Variants in CACNA1E observed in about 807,000 individuals in gnomAD.
CACNA1E encodes the protein calcium voltage-gated channel subunit alpha1 E.
Under a neutral mutation model 259.2 loss-of-function variants are expected in CACNA1E, and 40 were observed. The ratio of observed to expected loss-of-function variants is 0.15; its 90% CI spans 0.12 to 0.20. The LOEUF (loss-of-function observed/expected upper bound fraction) is 0.20. Ranked by LOEUF, CACNA1E falls within the 10% of genes least tolerant of loss-of-function variation. CACNA1E has a pLI of 1.00. For synonymous variants in CACNA1E, 1,104 were observed against 1,138.5 expected (o/e 0.97, Z 0.61); for missense variants, 1,874 against 3,040.1 (o/e 0.62, Z 9.02).
intron 2 of CACNA1E, among the ~76,000 whole-genome samples, chr1:181,418,437 G>C (rs1178728675): frequency 6.6e-6 from 1 of 152,128 alleles, no homozygotes; most frequent in Non-Finnish European, 1.5e-5. Context: ...CTTCTCACCA[G>C]TGCTTACTTC....
chr1:181,670,221 G>A (rs1034418103), intron 7 of CACNA1E, among the ~76,000 whole-genome samples: 2 of 152,164 alleles, frequency 1.3e-5, no homozygotes, highest in African/African-American at 4.8e-5. Context: ...TTGCAGACAC[G>A]TATACACTGA....
intron 16 of CACNA1E, among the ~76,000 whole-genome samples, chr1:181,723,274 C>G (rs1572703523): frequency 6.6e-6 from 1 of 152,062 alleles, no homozygotes. Flanking sequence ...GGATTCAATT[C>G]CAGCCTCCCA....
intron 1 of CACNA1E, among the ~76,000 whole-genome samples, chr1:181,377,461 G>C (rs1655181693): frequency 6.6e-6 from 1 of 152,154 alleles, no homozygotes; most frequent in Non-Finnish European, 1.5e-5. Context: ...ATGAATGCTG[G>C]GGTTAGAGAG....
Position 181,790,547 on chromosome 1 carries a change from G to A in CACNA1E, c.5889G>A (p.Arg1963=), listed in dbSNP as rs945310672. ...DPADDGQFQE[R]QSLEPEVSEL... is the part of the protein sequence containing the mutation. The stretch of plus-strand genomic sequence containing the variant: ...CCGATGACGGACAGTTCCAAGAACG[G>A]CAGTCTCTGGTGAATGCATGAGTTA... The change falls in exon 44 of 48, where the codon CGG becomes CGA. Residue 1963 remains arginine, a synonymous_variant. Coordinates refer to ENST00000367573, the MANE Select transcript of CACNA1E (RefSeq NM_001205293.3). 8.8e-6 allele frequency: 14 copies of A among 1,593,990 alleles called. No individual in the cohort carries two copies. Among genetic ancestry groups the A allele is most frequent in the Non-Finnish European group, 1.1e-5 (13 of 1,161,446 alleles).
intron 1 of CACNA1E, among the ~76,000 whole-genome samples, chr1:181,324,875 G>A (rs1650647178): frequency 6.6e-6 from 1 of 152,200 alleles, no homozygotes; most frequent in Non-Finnish European, 1.5e-5. Flanking sequence ...TTAACCCAGA[G>A]CGGACAGAGG....
intron 6 of CACNA1E, among the ~76,000 whole-genome samples, chr1:181,607,051 C>T (rs1654303235): frequency 6.6e-6 from 1 of 152,212 alleles, no homozygotes; most frequent in Non-Finnish European, 1.5e-5. Context: ...ATTCTACCTA[C>T]TAAACCTAAG....
intron 21 of CACNA1E, among the ~76,000 whole-genome samples, chr1:181,735,090 C>T (rs1489974476): frequency 6.6e-6 from 1 of 152,218 alleles, no homozygotes; most frequent in Non-Finnish European, 1.5e-5. Flanking sequence ...ATGGCTCCCT[C>T]TCCATTTCCG....
chr1:181,736,829 T>A (rs1656084227), intron 22 of CACNA1E, among the ~76,000 whole-genome samples: 1 of 152,124 alleles, frequency 6.6e-6, no homozygotes, highest in Non-Finnish European at 1.5e-5. Context: ...CTGTTGGAGT[T>A]GAGAATTTTG....
chr1:181,792,219 G>A (rs909511735), intron 44 of CACNA1E, among the ~76,000 whole-genome samples: 1 of 152,202 alleles, frequency 6.6e-6, no homozygotes, highest in Non-Finnish European at 1.5e-5. Flanking sequence ...TTCTTTCACA[G>A]GGAGACTTTA....
intron 6 of CACNA1E, among the ~76,000 whole-genome samples, chr1:181,625,012 A>T (rs1236059272): frequency 6.7e-6 from 1 of 150,180 alleles, no homozygotes; most frequent in Non-Finnish European, 1.5e-5. Context: ...GAGCTCTTGG[A>T]TGACCAAGTG....
chr1:181,720,366 G>A (rs560597086), intron 14 of CACNA1E, 29 bp downstream of exon 14: 2 of 1,604,626 alleles, frequency 1.2e-6, no homozygotes, highest in Admixed American at 1.7e-5. Context: ...TCCATCCAAA[G>A]GAGGCTCAAA....
intron 6 of CACNA1E, among the ~76,000 whole-genome samples, chr1:181,638,956 T>TG (rs1158152187): frequency 6.6e-6 from 1 of 152,222 alleles, no homozygotes; most frequent in Non-Finnish European, 1.5e-5. Context: ...TGGGCAGTTC[T>TG]TTATAGCAGT....
At chr1:181,777,433 T>C (rs1365082844) in intron 38 of CACNA1E, among the ~76,000 whole-genome samples, 2 of 152,240 alleles carry the variant, frequency 1.3e-5, no homozygotes, top group African/African-American at 4.8e-5. Flanking sequence ...TTTTACAGAC[T>C]AGAAGGGTGA....
intron 2 of CACNA1E, 54 bp from the exon 3 acceptor site, chr1:181,511,317 T>C: frequency 6.2e-7 from 1 of 1,600,300 alleles, no homozygotes; most frequent in Non-Finnish European, 8.5e-7. Flanking sequence ...TTTGCCTGTG[T>C]CTCATAAAGC....
At chr1:181,458,824 CCCATCCATCCAT>C (rs57607890) in intron 2 of CACNA1E, among the ~76,000 whole-genome samples, 5,806 of 150,454 alleles carry the variant, frequency 0.039, 247 homozygotes, top group African/African-American at 0.11. Flanking sequence ...CATTTATTTA[CCCATCCATCCAT>C]CCATCCATCC....
At chr1:181,335,045 C>T (rs181485050) in intron 1 of CACNA1E, among the ~76,000 whole-genome samples, 299 of 152,346 alleles carry the variant, frequency 2.0e-3, no homozygotes, top group Non-Finnish European at 3.4e-3. Flanking sequence ...ACTTGCTCTT[C>T]CCTCTGGCAT....
intron 2 of CACNA1E, 70 bp from the exon 3 acceptor site, chr1:181,511,301 T>C (rs1236144570): frequency 1.3e-6 from 2 of 1,570,560 alleles, no homozygotes; most frequent in Non-Finnish European, 1.7e-6. Context: ...AGGGCCAGGC[T>C]GTGCTTTTGC....
intron 3 of CACNA1E, among the ~76,000 whole-genome samples, chr1:181,532,525 G>C (rs546452213): frequency 2.0e-5 from 3 of 152,224 alleles, no homozygotes; most frequent in Non-Finnish European, 4.4e-5. Context: ...CGTTGCACCT[G>C]ATCTTTCTCT....
intron 1 of CACNA1E, among the ~76,000 whole-genome samples, chr1:181,368,540 G>A (rs1654451249): frequency 6.6e-6 from 1 of 152,152 alleles, no homozygotes; most frequent in Admixed American, 6.5e-5. Context: ...ACATCCCTAT[G>A]GAGCTGTAGT....
Sources: gnomAD v4.1 joint callset for allele counts (sites outside exome capture counted in the v4.1 genomes callset) on GRCh38, gnomAD v4.1.1 for gene constraint, MANE v1.5 for transcripts, NCBI Gene and HGNC (gene_info 2026-07-23, HGNC 2026-07-21) for gene names.